Variants in COMMD1 observed in about 807,000 individuals in gnomAD.
COMMD1 encodes the protein copper metabolism domain containing 1.
Under a neutral mutation model 17.2 loss-of-function variants are expected in COMMD1, and 10 were observed. The ratio of observed to expected loss-of-function variants is 0.58; its 90% confidence interval spans 0.36 to 0.99. The LOEUF (loss-of-function observed/expected upper bound fraction) is 0.99, where lower values mean the gene tolerates loss of function less well. COMMD1 is among the 50% of genes least tolerant of loss of function. The pLI is 0.01. For missense variants in COMMD1, 270 were observed against 231.8 expected, an observed-to-expected ratio of 1.17 and a Z score of -1.07; for synonymous variants, 97 against 91.6, an observed-to-expected ratio of 1.06 and a Z score of -0.34.
chr2:61,940,334 A>AT (rs1424614282), intron 1 of COMMD1, among the ~76,000 whole-genome samples: 1 of 152,170 alleles, frequency 6.6e-6, no homozygotes, highest in East Asian at 1.9e-4. Flanking sequence ...TACAGTACCC[A>AT]TTTTCATAAG....
chr2:61,935,452 A>C (rs1015434674), intron 1 of COMMD1, among the ~76,000 whole-genome samples: 1 of 152,132 alleles, frequency 6.6e-6, no homozygotes, highest in African/African-American at 2.4e-5. Context: ...AACATGGTGA[A>C]ACCCCATCTC....
At chr2:61,956,566 C>T (rs11683824) in intron 1 of COMMD1, among the ~76,000 whole-genome samples, 2,732 of 151,626 alleles carry the variant, frequency 0.018, 54 homozygotes, top group African/African-American at 0.041. Context: ...CGCACCACCA[C>T]GCCTGGCTAA....
intron 1 of COMMD1, among the ~76,000 whole-genome samples, chr2:61,936,506 A>G (rs938458808): frequency 6.6e-6 from 1 of 152,246 alleles, no homozygotes; most frequent in African/African-American, 2.4e-5. Context: ...GTGCCAAACA[A>G]CATTTTAAGA....
intron 1 of COMMD1, among the ~76,000 whole-genome samples, chr2:61,988,492 C>G (rs942222340): frequency 1.3e-5 from 2 of 152,202 alleles, no homozygotes; most frequent in African/African-American, 4.8e-5. Flanking sequence ...CCTCATGACT[C>G]TCCTTGGTGC....
chr2:62,120,805 A>G (rs1238940721), intron 2 of COMMD1, among the ~76,000 whole-genome samples: 1 of 152,102 alleles, frequency 6.6e-6, no homozygotes, highest in African/African-American at 2.4e-5. Flanking sequence ...AGCTCACTGC[A>G]GTCTTGACCT....
chr2:61,910,397 G>A (rs775188227), intron 1 of COMMD1, among the ~76,000 whole-genome samples: 1 of 151,568 alleles, frequency 6.6e-6, no homozygotes, highest in Non-Finnish European at 1.5e-5. Flanking sequence ...ACAGACACCC[G>A]CCACCACACC....
intron 2 of COMMD1, among the ~76,000 whole-genome samples, chr2:62,052,428 A>C (rs529828215): frequency 6.6e-6 from 1 of 152,324 alleles, no homozygotes; most frequent in South Asian, 2.1e-4. Flanking sequence ...ACGTATCTTC[A>C]GGGTCCTAGA....
intron 1 of COMMD1, among the ~76,000 whole-genome samples, chr2:61,915,215 A>C (rs1189557951): frequency 6.6e-6 from 1 of 152,032 alleles, no homozygotes; most frequent in Admixed American, 6.6e-5. Context: ...CATGTTGGTC[A>C]GGTTGGTCTC....
Position 62,060,697 on chromosome 2 carries a change from T to C in COMMD1, c.462+59715T>C, listed in dbSNP as rs1192590816. Among the ~76,000 whole-genome samples the C allele has an allele frequency of 2.6e-5, 4 of 152,330 alleles. 1 individual carries two copies. Among genetic ancestry groups the C allele is most frequent in the South Asian group, 4.1e-4 (2 of 4,830 alleles). Reference sequence around the variant, plus strand: ...AGGGAGTTGGCTTAGTTTTCACTTATCTGAAAATCTTGTTATTTCATCTTT... The same window carrying C: ...AGGGAGTTGGCTTAGTTTTCACTTACCTGAAAATCTTGTTATTTCATCTTT... On this transcript the variant is annotated intron_variant, in intron 2 of 2. Transcript: ENST00000311832.
intron 1 of COMMD1, among the ~76,000 whole-genome samples, chr2:61,927,000 T>C (rs572645619): frequency 6.6e-6 from 1 of 152,246 alleles, no homozygotes; most frequent in African/African-American, 2.4e-5. Context: ...AACTCTAAAA[T>C]TGGGCAACAC....
intron 1 of COMMD1, among the ~76,000 whole-genome samples, chr2:61,974,278 C>G (rs1381465333): frequency 1.3e-5 from 2 of 150,292 alleles, no homozygotes; most frequent in African/African-American, 4.9e-5. Flanking sequence ...GTGAGACTGT[C>G]TAAGAAAAAA....
At chr2:61,942,446 C>T (rs1670774828) in intron 1 of COMMD1, among the ~76,000 whole-genome samples, 1 of 151,458 alleles carries the variant, frequency 6.6e-6, no homozygotes, top group Admixed American at 6.6e-5. Flanking sequence ...GAGTCTTTCT[C>T]TGTCACCCAG....
intron 2 of COMMD1, among the ~76,000 whole-genome samples, chr2:62,077,803 A>G (rs1224527816): frequency 1.2e-4 from 19 of 152,046 alleles, no homozygotes; most frequent in Admixed American, 1.2e-3. Context: ...TTTTAGGGAG[A>G]CATGAAGCTT....
chr2:61,901,566 T>G (rs1405981319), upstream of COMMD1, among the ~76,000 whole-genome samples: 1 of 152,048 alleles, frequency 6.6e-6, no homozygotes, highest in Non-Finnish European at 1.5e-5. Context: ...GAAGTTGCAG[T>G]GAGTAGAGAT....
At chr2:62,069,278 T>C (rs1428179734) in intron 2 of COMMD1, among the ~76,000 whole-genome samples, 10 of 152,156 alleles carry the variant, frequency 6.6e-5, no homozygotes, top group Non-Finnish European at 1.3e-4. Flanking sequence ...ATTACAGGCT[T>C]GAGCCACCAT....
intron 1 of COMMD1, among the ~76,000 whole-genome samples, chr2:61,981,255 A>T (rs889879325): frequency 6.6e-6 from 1 of 152,136 alleles, no homozygotes; most frequent in African/African-American, 2.4e-5. Flanking sequence ...AGTTTCCCCA[A>T]TGTTTTCTTG....
chr2:62,060,570 G>A (rs1346695899), intron 2 of COMMD1, among the ~76,000 whole-genome samples: 3 of 152,082 alleles, frequency 2.0e-5, no homozygotes, highest in Non-Finnish European at 2.9e-5. Context: ...CCGTTCCACT[G>A]ATCTTCATTT....
At chr2:62,116,150 T>C (rs1407864338) in intron 2 of COMMD1, among the ~76,000 whole-genome samples, 2 of 152,118 alleles carry the variant, frequency 1.3e-5, no homozygotes, top group South Asian at 2.1e-4. Flanking sequence ...CCCGGCCCTG[T>C]TGTATTTTTT....
chr2:61,907,253 T>C (rs1417640199), intron 1 of COMMD1, among the ~76,000 whole-genome samples: 2 of 152,118 alleles, frequency 1.3e-5, no homozygotes, highest in East Asian at 3.8e-4. Context: ...GTTACAGGCA[T>C]GCGCCACCAC....
Sources: gnomAD v4.1 joint callset for allele counts (sites outside exome capture counted in the v4.1 genomes callset) on GRCh38, gnomAD v4.1.1 for gene constraint, MANE v1.5 for transcripts, NCBI Gene and HGNC (gene_info 2026-07-23, HGNC 2026-07-21) for gene names.